PSD3: variants seen among roughly 807,000 people sequenced by gnomAD.
PSD3 encodes the protein PH and SEC7 domain-containing protein 3.
A neutral mutation model predicts 105.5 loss-of-function variants in PSD3; 49 were observed. That is an observed-to-expected ratio of 0.46 (90% confidence interval 0.37 to 0.59). The LOEUF is 0.59. Among genes scored for constraint, PSD3 ranks in the 20% least tolerant of loss-of-function variants. The pLI is 0.00. For synonymous variants in PSD3, 557 were observed against 457.8 expected, an observed-to-expected ratio of 1.22 and a Z score of -2.77; for missense variants, 1,561 against 1,263.8, an observed-to-expected ratio of 1.24 and a Z score of -3.57.
At chr8:18,934,740 T>G (rs1821996683) in intron 2 of PSD3, among the ~76,000 whole-genome samples, 1 of 152,198 alleles carries the variant, frequency 6.6e-6, no homozygotes. Flanking sequence ...TCACACAGTT[T>G]ATAAGTTCAA....
chr8:18,931,084 A>G (rs1339359221), intron 2 of PSD3, among the ~76,000 whole-genome samples: 3 of 152,040 alleles, frequency 2.0e-5, no homozygotes, highest in Non-Finnish European at 4.4e-5. Context: ...CCATCCATAT[A>G]TCTTCTTTGG....
intron 13 of PSD3, 39 bp from the exon 14 acceptor site, chr8:18,572,711 T>C: frequency 6.3e-7 from 1 of 1,594,238 alleles, no homozygotes; most frequent in Non-Finnish European, 8.6e-7. Context: ...GATATTGCCA[T>C]GTCTAAGTAG....
chr8:19,038,757 C>T (rs28376607), intron 1 of PSD3, among the ~76,000 whole-genome samples: 2,562 of 152,246 alleles, frequency 0.017, 52 homozygotes, highest in African/African-American at 0.047. Flanking sequence ...GCCCTTAGAT[C>T]CCACACTTCT....
rs530624685 is a variant in PSD3, at chr8:19,052,509, C to A, written c.324+31697G>T. ...AAGAAAAAGAAAAAGAAAAGAAATA[C>A]AGAAAATGAGCAAAGCAAAGTGTCA... On this transcript the variant is annotated intron_variant, in intron 1 of 1. Coordinates refer to the PSD3 transcript ENST00000521475. 5.2e-4 allele frequency among the ~76,000 whole-genome samples: 78 copies of A among 151,420 alleles called. 1 individual carries two copies. The highest frequency in any genetic ancestry group is 9.1e-4 in the Non-Finnish European group (62 of 67,830).
chr8:18,907,003 A>G (rs909918106), intron 2 of PSD3, among the ~76,000 whole-genome samples: 1 of 152,204 alleles, frequency 6.6e-6, no homozygotes, highest in Non-Finnish European at 1.5e-5. Context: ...AGCTTATAGA[A>G]TAAGAAAATA....
At chr8:18,680,230 A>T (rs779217898) in intron 9 of PSD3, among the ~76,000 whole-genome samples, 16 of 152,234 alleles carry the variant, frequency 1.1e-4, no homozygotes, top group Non-Finnish European at 2.1e-4. Flanking sequence ...AACATTTTCT[A>T]ATACTGCACA....
chr8:18,748,523 G>C (rs1056773298), intron 9 of PSD3, among the ~76,000 whole-genome samples: 5 of 152,034 alleles, frequency 3.3e-5, no homozygotes, highest in Non-Finnish European at 5.9e-5. Context: ...AGCCGGGCTT[G>C]GTGGCAGGCG....
chr8:18,825,014 A>C (rs1388444179), intron 4 of PSD3, among the ~76,000 whole-genome samples: 1 of 152,218 alleles, frequency 6.6e-6, no homozygotes, highest in Non-Finnish European at 1.5e-5. Context: ...CAATGTTTTA[A>C]CTTTCCAGCA....
chr8:18,821,911 C>A (rs1367977716), intron 4 of PSD3, among the ~76,000 whole-genome samples: 2 of 150,892 alleles, frequency 1.3e-5, no homozygotes, highest in African/African-American at 4.9e-5. Context: ...CAAATGGTTG[C>A]TTAGAGGACA....
intron 9 of PSD3, among the ~76,000 whole-genome samples, chr8:18,737,947 T>C (rs970027181): frequency 6.6e-6 from 1 of 152,156 alleles, no homozygotes; most frequent in African/African-American, 2.4e-5. Flanking sequence ...TCTACTCAAT[T>C]TGTGATCAAG....
intron 10 of PSD3, among the ~76,000 whole-genome samples, chr8:18,635,277 G>T (rs954420236): frequency 6.6e-6 from 1 of 152,046 alleles, no homozygotes; most frequent in Non-Finnish European, 1.5e-5. Flanking sequence ...AAGGAGCCTT[G>T]GTTCTTCTTA....
intron 3 of PSD3, among the ~76,000 whole-genome samples, chr8:18,870,239 T>C (rs1817234563): frequency 6.6e-6 from 1 of 152,144 alleles, no homozygotes; most frequent in African/African-American, 2.4e-5. Context: ...TGCTCTCCCG[T>C]ATAAACTATA....
intron 11 of PSD3, among the ~76,000 whole-genome samples, chr8:18,602,796 C>T (rs115012395): frequency 7.2e-4 from 110 of 152,168 alleles, no homozygotes; most frequent in Middle Eastern, 3.4e-3. Flanking sequence ...CATACAGTGC[C>T]GCTGTTGCCA....
In PSD3 at chr8:18,872,388, T is replaced by C. The variant is rs375681932; in HGVS notation, c.476A>G (p.Asp159Gly). The change falls in exon 3 of 16, where the codon GAT (aspartate) becomes GGT (glycine). Residue 159 changes from aspartate (D) to glycine (G), a missense_variant. Physicochemically the swap from Asp to Gly is moderately conservative, Grantham distance 94 (BLOSUM62 -1). Transcript: ENST00000327040. ...TLQATKVLDQ[D>G]AVSSFSVQQV... ...CTGAACTGAAAAACTAGAAACAGCATCTTGGTCCAGTACCTTTGTAGCCTG... is the reference window on the plus strand; with the variant it reads ...CTGAACTGAAAAACTAGAAACAGCACCTTGGTCCAGTACCTTTGTAGCCTG... 4 of 1,614,178 alleles carry C rather than the reference T, an allele frequency of 2.5e-6. No individual in the cohort carries two copies. The highest frequency in any genetic ancestry group is 3.4e-6 in the Non-Finnish European group (4 of 1,180,028).
chr8:18,711,091 C>T (rs1585694771), intron 9 of PSD3, among the ~76,000 whole-genome samples: 1 of 152,216 alleles, frequency 6.6e-6, no homozygotes, highest in African/African-American at 2.4e-5. Context: ...CAAATGATGA[C>T]AGAATTCATC....
At chr8:18,757,690 T>G (rs1806172240) in intron 9 of PSD3, among the ~76,000 whole-genome samples, 1 of 152,220 alleles carries the variant, frequency 6.6e-6, no homozygotes, top group African/African-American at 2.4e-5. Flanking sequence ...CAATTGCGAT[T>G]TTACCATCTT....
At chr8:18,591,363 G>A (rs938431895) in intron 12 of PSD3, among the ~76,000 whole-genome samples, 1 of 152,160 alleles carries the variant, frequency 6.6e-6, no homozygotes, top group African/African-American at 2.4e-5. Context: ...CTGCAATAGT[G>A]TGGATACCTG....
chr8:18,668,844 G>A (rs1381448921), intron 9 of PSD3, among the ~76,000 whole-genome samples: 1 of 152,174 alleles, frequency 6.6e-6, no homozygotes, highest in Non-Finnish European at 1.5e-5. Flanking sequence ...AGAAATCAGA[G>A]TTAATAAAGT....
chr8:19,042,762 T>C (rs1179029554), intron 1 of PSD3, among the ~76,000 whole-genome samples: 2 of 152,226 alleles, frequency 1.3e-5, no homozygotes, highest in South Asian at 2.1e-4. Context: ...ATTTCACTTA[T>C]AATGTTTGAG....
Sources: allele counts gnomAD v4.1 joint callset (sites outside exome capture counted in the v4.1 genomes callset), GRCh38; gene constraint gnomAD v4.1.1; transcripts MANE v1.5; gene names NCBI Gene and HGNC (gene_info 2026-07-23, HGNC 2026-07-21).